Variants in PPA1 observed in about 807,000 individuals in gnomAD.
PPA1 encodes the protein inorganic pyrophosphatase.
PPA1 carries 23 observed loss-of-function variants against 41.8 expected under a neutral mutation model. The ratio of observed to expected loss-of-function variants is 0.55; its 90% CI spans 0.40 to 0.78. The LOEUF (loss-of-function observed/expected upper bound fraction) is 0.78. Among genes scored for constraint, PPA1 ranks in the 30% least tolerant of loss-of-function variants. The pLI, the probability that PPA1 is intolerant of heterozygous loss-of-function variation, is 0.00. For missense variants in PPA1, 320 were observed against 361.6 expected (o/e 0.89, Z 0.93); for synonymous variants, 101 against 116.8 (o/e 0.86, Z 0.87).
chr10:70,214,012 G>A (rs1250086685), intron 5 of PPA1, among the ~76,000 whole-genome samples: 1 of 152,130 alleles, frequency 6.6e-6, no homozygotes, highest in East Asian at 1.9e-4. Flanking sequence ...GTTTTTAGTT[G>A]TTTACTATTT....
At chr10:70,228,026 TAAAAC>T (rs996364863) in intron 2 of PPA1, among the ~76,000 whole-genome samples, 3 of 152,132 alleles carry the variant, frequency 2.0e-5, no homozygotes, top group African/African-American at 7.2e-5. Flanking sequence ...TAACTTCCTT[TAAAAC>T]AAAACAAAAG....
intron 2 of PPA1, among the ~76,000 whole-genome samples, chr10:70,230,128 T>C (rs9415958): frequency 0.35 from 53,448 of 152,060 alleles, 10,021 homozygotes; most frequent in East Asian, 0.56. Flanking sequence ...AGGCTGTTCT[T>C]GAACTTCTGG....
chr10:70,232,863 G>T (rs7089806), intron 1 of PPA1, among the ~76,000 whole-genome samples: 1 of 147,480 alleles, frequency 6.8e-6, no homozygotes, highest in Non-Finnish European at 1.5e-5. Flanking sequence ...TGCCCCCCCC[G>T]GCCCGGAGTC....
At chr10:70,207,654 TA>T (rs1268778630) in intron 8 of PPA1, among the ~76,000 whole-genome samples, 4 of 149,376 alleles carry the variant, frequency 2.7e-5, no homozygotes, top group Non-Finnish European at 3.0e-5. Flanking sequence ...ACCCTGTCTC[TA>T]AAAAAAAAAT....
chr10:70,209,799 G>A, intron 6 of PPA1, 114 bp from the exon 7 acceptor site: 1 of 1,252,300 alleles, frequency 8.0e-7, no homozygotes, highest in South Asian at 1.3e-5. Flanking sequence ...AAAATTCCAA[G>A]TACTTATTTT....
chr10:70,210,225 C>A, intron 6 of PPA1: 1 of 418,816 alleles, frequency 2.4e-6, no homozygotes, highest in Non-Finnish European at 4.5e-6. Flanking sequence ...GGACTATAAG[C>A]ATGCACACGC....
chr10:70,233,133 C>T, intron 1 of PPA1, 131 bp downstream of exon 1: 1 of 1,077,592 alleles, frequency 9.3e-7, no homozygotes, highest in Non-Finnish European at 1.3e-6. Flanking sequence ...CCAGGCCCCA[C>T]AACGCGCCCG....
intron 6 of PPA1, chr10:70,210,511 A>T: frequency 9.1e-7 from 1 of 1,097,840 alleles, no homozygotes; most frequent in Non-Finnish European, 1.2e-6. Flanking sequence ...CAGGCACTGT[A>T]CATAACAATA....
At chr10:70,219,638 G>A (rs1840113917) in intron 2 of PPA1, among the ~76,000 whole-genome samples, 1 of 152,104 alleles carries the variant, frequency 6.6e-6, no homozygotes, top group Admixed American at 6.6e-5. Flanking sequence ...GAAGATAAGA[G>A]AATATGCTTT....
chr10:70,207,835 C>T (rs10999186), intron 8 of PPA1, among the ~76,000 whole-genome samples: 53,100 of 151,760 alleles, frequency 0.35, 9,572 homozygotes, highest in Middle Eastern at 0.4. Flanking sequence ...TTTGTTTATC[C>T]GTAGTTCAAG....
chr10:70,213,646 G>C, intron 5 of PPA1, 57 bp from the exon 6 acceptor site: 1 of 1,529,156 alleles, frequency 6.5e-7, no homozygotes, highest in Non-Finnish European at 8.8e-7. Flanking sequence ...CTAGAAGACA[G>C]TTTTACTTGG....
chr10:70,217,775 T>G, intron 4 of PPA1, 37 bp downstream of exon 4: 1 of 1,473,814 alleles, frequency 6.8e-7, no homozygotes, highest in East Asian at 2.3e-5. Flanking sequence ...TTTAGTAAGC[T>G]AAAAAGTACA....
intron 2 of PPA1, among the ~76,000 whole-genome samples, chr10:70,224,378 T>C (rs1840206489): frequency 6.6e-6 from 1 of 152,142 alleles, no homozygotes; most frequent in Non-Finnish European, 1.5e-5. Flanking sequence ...CAACTCTACA[T>C]TATGTCACTC....
intron 1 of PPA1, among the ~76,000 whole-genome samples, chr10:70,231,837 C>T (rs182040480): frequency 1.2e-4 from 19 of 152,272 alleles, no homozygotes; most frequent in African/African-American, 4.6e-4. Flanking sequence ...TTTGGTCTCC[C>T]ATAACGGCCA....
intron 6 of PPA1, among the ~76,000 whole-genome samples, chr10:70,211,751 G>A (rs962592075): frequency 6.6e-6 from 1 of 152,048 alleles, no homozygotes; most frequent in East Asian, 1.9e-4. Flanking sequence ...GATGGGCTTG[G>A]CTTCACTAAT....
chr10:70,224,903 G>C (rs1175716756), intron 2 of PPA1, among the ~76,000 whole-genome samples: 1 of 151,650 alleles, frequency 6.6e-6, no homozygotes, highest in African/African-American at 2.4e-5. Flanking sequence ...GCTAATTTTT[G>C]TATTTTTAGT....
At position 70,227,650 on chromosome 10, in the gene PPA1, C is replaced by CAA. The variant is rs11382289; in HGVS notation, c.123+2689_123+2690dup. 8.4e-3 allele frequency among the ~76,000 whole-genome samples: 629 copies of CAA among 74,930 alleles called. 14 individuals are homozygous for CAA. Among genetic ancestry groups the CAA allele is most frequent in the Non-Finnish European group, 0.011 (470 of 42,394 alleles). 49.2% of individuals were successfully genotyped at this position (74,930 alleles called of 152,430 possible). On this transcript the variant is annotated intron_variant, in intron 2 of 10. Transcript: ENST00000373232. The stretch of plus-strand genomic sequence containing the variant: ...TGAGTGACAAAGTGAAACCCTATCT[C>CAA]AAAAAAAAAAAAAAAAAAAAAAAAA...
intron 2 of PPA1, among the ~76,000 whole-genome samples, chr10:70,222,650 C>T (rs1169937133): frequency 2.0e-5 from 3 of 152,038 alleles, no homozygotes; most frequent in Non-Finnish European, 4.4e-5. Flanking sequence ...GTGAGTGACT[C>T]ATCTGTAAAA....
intron 4 of PPA1, among the ~76,000 whole-genome samples, chr10:70,216,561 T>C (rs1256271011): frequency 6.6e-6 from 1 of 152,186 alleles, no homozygotes; most frequent in Non-Finnish European, 1.5e-5. Flanking sequence ...ACTTTGTGCT[T>C]ACCTAACAAG....
Sources: allele counts gnomAD v4.1 joint callset (sites outside exome capture counted in the v4.1 genomes callset), GRCh38; gene constraint gnomAD v4.1.1; transcripts MANE v1.5; gene names NCBI Gene and HGNC (gene_info 2026-07-23, HGNC 2026-07-21).